The following DCP1B variants were observed in gnomAD, a reference collection of about 807,000 sequenced individuals.
DCP1B encodes mRNA-decapping enzyme 1B.
Under a neutral mutation model 60.5 loss-of-function variants are expected in DCP1B, and 47 were observed. The observed-to-expected ratio is 0.78, with a 90% CI of 0.61 to 0.99. The LOEUF is 0.99. Ranked by LOEUF, DCP1B falls within the 50% of genes least tolerant of loss-of-function variation. The pLI is 0.00. For synonymous variants in DCP1B, 267 were observed against 280.3 expected (o/e 0.95, Z 0.47); for missense variants, 725 against 756.8 (o/e 0.96, Z 0.49).
At chr12:1,993,500 C>T in intron 2 of DCP1B, 109 bp from the exon 3 acceptor site, 7 of 1,385,406 alleles carry the variant, frequency 5.1e-6, no homozygotes, top group Non-Finnish European at 9.8e-7. Context: ...TTTGTATATG[C>T]AGCTTTATAT....
chr12:1,964,475 T>C lies in DCP1B; in HGVS notation c.522+1083A>G, dbSNP rs369087496. Among the ~76,000 whole-genome samples, 159 of 152,336 alleles carry C rather than the reference T, an allele frequency of 1.0e-3. 1 individual carries two copies. Among genetic ancestry groups the C allele is most frequent in the African/African-American group, 3.7e-3 (153 of 41,588 alleles). On this transcript the variant is annotated intron_variant, in intron 5 of 8. Transcript: ENST00000280665. The stretch of plus-strand genomic sequence containing the variant: ...GTTTAATTAATTGCTTTTGGGTTTT[T>C]AGGCATAATTGAAAGATTTCTCTTT...
chr12:1,963,944 AT>A (rs1236911795), intron 5 of DCP1B, among the ~76,000 whole-genome samples: 1 of 152,122 alleles, frequency 6.6e-6, no homozygotes, highest in African/African-American at 2.4e-5. Context: ...ATTAGATTTG[AT>A]TTTTTTCCCC....
rs146996705 is a variant in DCP1B at position 1,949,149 on chromosome 12, G to T, written c.1710C>A (p.Ser570=). 2.7e-5 allele frequency: 44 copies of T among 1,614,008 alleles called. No individual in the cohort carries two copies. In the African/African-American group the frequency reaches 4.8e-4, roughly 18 times the overall value. ...LLLPIQSPEP[S]VITSSPLTKL... ...TGGTGAGTGGGCTGCTGGTGATCACGGAGGGCTCCGGGCTCTGTATGGGCA... is the reference window on the plus strand; with the variant it reads ...TGGTGAGTGGGCTGCTGGTGATCACTGAGGGCTCCGGGCTCTGTATGGGCA... Residue 570 remains serine (S), a synonymous_variant, in exon 8 of 9, where the codon TCC becomes TCA. Transcript: ENST00000280665.
chr12:1,982,536 T>TAC lies in DCP1B; in HGVS notation c.319+10727_319+10728insGT, dbSNP rs544583683. Reference sequence around the variant, plus strand: ...TCTTCAAGGTTCATTCACGTTGTACTATATATATAATTTTATTCTCTTTTG... The same window carrying TAC: ...TCTTCAAGGTTCATTCACGTTGTACTACATATATATAATTTTATTCTCTTTTG... On this transcript the variant is annotated intron_variant, in intron 3 of 8. Transcript: ENST00000280665. Among the ~76,000 whole-genome samples the TAC allele has an allele frequency of 1.8e-3, 111 of 62,918 alleles. 1 individual carries two copies. Among genetic ancestry groups the TAC allele is most frequent in the African/African-American group, 0.011 (105 of 9,716 alleles). 41.3% of individuals were successfully genotyped at this position (62,918 alleles called of 152,430 possible).
chr12:1,963,752 G>A (rs987954364), intron 5 of DCP1B, among the ~76,000 whole-genome samples: 1 of 152,068 alleles, frequency 6.6e-6, no homozygotes, highest in African/African-American at 2.4e-5. Context: ...CTTCTGGAAG[G>A]AAGTAATATT....
rs1040407860 is a variant in DCP1B at position 1,962,840 on chromosome 12, T to C, written c.522+2718A>G. 2.6e-5 allele frequency among the ~76,000 whole-genome samples: 4 copies of C among 152,280 alleles called. No individual in the cohort carries two copies. The East Asian group carries it at 7.7e-4, about 29-fold the overall frequency. Reference sequence around the variant, plus strand: ...CATGTGCTAAGTACTTTGAAGACAATAAGGGATATAAAAGTGAATAAAGGA... The same window carrying C: ...CATGTGCTAAGTACTTTGAAGACAACAAGGGATATAAAAGTGAATAAAGGA... On this transcript the variant is annotated intron_variant, in intron 5 of 8. Coordinates refer to ENST00000280665, the MANE Select transcript of DCP1B (RefSeq NM_152640.5). This position sits in a 1 kb window ranked among gnomAD's most constrained non-coding sequence, Gnocchi z 4.4.
chr12:1,997,855 G>T, intron 2 of DCP1B, 80 bp downstream of exon 2: 2 of 1,119,352 alleles, frequency 1.8e-6, no homozygotes, highest in South Asian at 1.4e-5. Context: ...AAAACTGCAT[G>T]CACTTGAAGA....
Position 1,993,299 on chromosome 12 carries a change from A to G in DCP1B, c.284T>C (p.Leu95Pro). Residue 95 changes from leucine to proline, a missense_variant, in exon 3 of 9, where the codon CTC becomes CCC. By Grantham distance (98) the Leu-to-Pro change is moderately conservative (BLOSUM62 -3). Transcript: ENST00000280665. ...EPITKDLDFQ[L>P]QDPFLLYRNA... ...TCTGTAGAGAAGGAAAGGGTCCTGG[A>G]GTTGGAAATCCAAGTCTTTAGTAAT... 1 of 1,614,124 alleles carries G rather than the reference A, an allele frequency of 6.2e-7. No homozygotes were observed. The highest frequency in any genetic ancestry group is 8.5e-7 in the Non-Finnish European group (1 of 1,179,992).
chr12:1,988,245 A>G (rs2038363118), intron 3 of DCP1B, among the ~76,000 whole-genome samples: 1 of 152,190 alleles, frequency 6.6e-6, no homozygotes, highest in African/African-American at 2.4e-5. Flanking sequence ...GTGCCATGTT[A>G]TCTTCATTTC....
intron 2 of DCP1B, among the ~76,000 whole-genome samples, chr12:1,997,223 AG>A (rs2041144313): frequency 6.6e-6 from 1 of 152,180 alleles, no homozygotes; most frequent in South Asian, 2.1e-4. Flanking sequence ...TTAAAGAGTC[AG>A]GGGTGGGAGA....
rs116094704 is a variant in DCP1B, at chr12:1,965,717, C to A, written c.387-24G>T. ...GGCTAGAAAAACAGAGGGGAAAATC[C>A]ACACAAGAAAAGCCAATTCAACACA... On this transcript the variant is annotated intron_variant, in intron 4 of 8. Coordinates refer to ENST00000280665, the MANE Select transcript of DCP1B (RefSeq NM_152640.5). 4.1e-3 allele frequency: 6,586 copies of A among 1,590,120 alleles called. 85 individuals are homozygous for A. The highest frequency in any genetic ancestry group is 0.028 in the African/African-American group (2,041 of 73,516).
At chr12:1,945,899 G>T (rs2030401429), downstream of DCP1B, among the ~76,000 whole-genome samples, 1 of 152,136 alleles carries the variant, frequency 6.6e-6, no homozygotes, top group South Asian at 2.1e-4. Flanking sequence ...GGGGGACTAG[G>T]GGAGGAAGCG....
rs1326554475 is a variant in DCP1B at position 1,952,581 on chromosome 12, C to T, written c.1359G>A (p.Leu453=). The T allele has an allele frequency of 1.2e-6, 2 of 1,614,066 alleles. No homozygotes were observed. Among genetic ancestry groups the T allele is most frequent in the South Asian group, 1.1e-5 (1 of 91,088 alleles). Residue 453 remains leucine, a synonymous_variant, in exon 7 of 9, where the codon CTG becomes CTA. Transcript: ENST00000280665. ...SSGVISPQEL[L]KKLQIVQQEQ... ...CCTGCTGTACAATCTGAAGCTTCTT[C>T]AGTAACTCTTGAGGGGAGATCACTC...
intron 1 of DCP1B, among the ~76,000 whole-genome samples, chr12:2,003,963 G>A (rs940381628): frequency 1.5e-4 from 23 of 152,052 alleles, no homozygotes; most frequent in African/African-American, 5.3e-4. Flanking sequence ...CGAGCACATC[G>A]GTCTTCCGGC....
rs765021607 is a variant in DCP1B, at chr12:1,971,153, A to G, written c.320-3243T>C. ...CAACACGGAGGTCAAGTTTAAGGGT[A>G]CTTTGGTGCATGAAGCTCAACTCAA... On this transcript the variant is annotated intron_variant, in intron 3 of 8. Coordinates refer to ENST00000280665, the MANE Select transcript of DCP1B (RefSeq NM_152640.5). The surrounding 1 kb of genome is among the most constrained non-coding windows in gnomAD (Gnocchi z 4.2). The G allele has an allele frequency of 7.8e-7, 1 of 1,289,228 alleles. No homozygotes were observed. The highest frequency in any genetic ancestry group is 1.2e-5 in the South Asian group (1 of 81,000). 79.9% of individuals were successfully genotyped at this position (1,289,228 alleles called of 1,614,324 possible).
intron 3 of DCP1B, among the ~76,000 whole-genome samples, chr12:1,975,862 G>A (rs561175612): frequency 2.0e-5 from 3 of 152,136 alleles, no homozygotes; most frequent in Admixed American, 6.5e-5. Flanking sequence ...GGTTCTCTCC[G>A]TGAGTCCCCT....
At chr12:1,991,857 A>G (rs2039510532) in intron 3 of DCP1B, 3 of 159,064 alleles carry the variant, frequency 1.9e-5, no homozygotes, top group African/African-American at 7.2e-5. Flanking sequence ...AATATTACCT[A>G]TAACTGATCA....
chr12:1,956,246 G>A (rs1203429562), intron 5 of DCP1B, among the ~76,000 whole-genome samples: 1 of 152,140 alleles, frequency 6.6e-6, no homozygotes, highest in Non-Finnish European at 1.5e-5. Flanking sequence ...AACACAGTAG[G>A]ATTCATAACA....
At position 1,994,323 on chromosome 12, in the gene DCP1B, T is replaced by C. The variant is rs190908006; in HGVS notation, c.192-932A>G. Among the ~76,000 whole-genome samples the C allele has an allele frequency of 5.9e-5, 9 of 152,368 alleles. No homozygotes were observed. The East Asian group carries it at 1.7e-3, about 29-fold the overall frequency. On this transcript the variant is annotated intron_variant, in intron 2 of 8. Transcript: ENST00000280665. Reference sequence around the variant, plus strand: ...TATTAACAAACCCACAGAAATGTTATGAGCAACAGGAAGACAAGTTGTTTA... The same window carrying C: ...TATTAACAAACCCACAGAAATGTTACGAGCAACAGGAAGACAAGTTGTTTA...
Sources: gnomAD v4.1 joint callset for allele counts (sites outside exome capture counted in the v4.1 genomes callset) on GRCh38, gnomAD v4.1.1 for gene constraint, Gnocchi (gnomAD v3.1) non-coding constraint, MANE v1.5 for transcripts, NCBI Gene and HGNC (gene_info 2026-07-23, HGNC 2026-07-21) for gene names.